The following ZNF420 variants were observed in gnomAD, a reference collection of about 807,000 sequenced individuals.
ZNF420 encodes the protein ATM and p53-associated KZNF protein.
Under a neutral mutation model 44.7 loss-of-function variants are expected in ZNF420, and 31 were observed. The ratio of observed to expected loss-of-function variants is 0.69; its 90% CI spans 0.52 to 0.94. The LOEUF is 0.94. Among genes scored for constraint, ZNF420 ranks in the 40% least tolerant of loss-of-function variants. The pLI is 0.00. For synonymous variants in ZNF420, 245 were observed against 267.4 expected (o/e 0.92, Z 0.82); for missense variants, 681 against 827.9 (o/e 0.82, Z 2.18).
chr19:37,081,502 T>C (rs1461910425), intron 2 of ZNF420, among the ~76,000 whole-genome samples: 6 of 135,528 alleles, frequency 4.4e-5, no homozygotes, highest in Admixed American at 3.1e-4. Context: ...TTCTGCTTCA[T>C]GTATTTTTTT....
intron 1 of ZNF420, among the ~76,000 whole-genome samples, chr19:37,029,554 C>CA (rs1555746375): frequency 2.1e-5 from 3 of 142,918 alleles, no homozygotes; most frequent in Non-Finnish European, 4.6e-5. Context: ...TTTTCTTTTA[C>CA]TTTTTTTTTT....
At chr19:37,024,711 A>C (rs1257396453) in intron 1 of ZNF420, among the ~76,000 whole-genome samples, 5 of 152,058 alleles carry the variant, frequency 3.3e-5, no homozygotes, top group Admixed American at 2.6e-4. Context: ...TGGCCTCCCA[A>C]AGTGCTGGAA....
chr19:37,102,367 C>T (rs886476459), intron 4 of ZNF420, among the ~76,000 whole-genome samples: 6 of 152,162 alleles, frequency 3.9e-5, no homozygotes, highest in East Asian at 3.9e-4. Context: ...TGAGCTGGCA[C>T]CCCCAGCTGA....
chr19:37,016,670 C>T lies in ZNF420; in HGVS notation c.-125+8588C>T, dbSNP rs117966725. Among the ~76,000 whole-genome samples, 946 of 152,316 alleles carry T rather than the reference C, an allele frequency of 6.2e-3. 28 individuals carry two copies. Among genetic ancestry groups the T allele is most frequent in the East Asian group, 0.05 (257 of 5,168 alleles). ...TCCACTTTCAGCTTGCCTTTGTCCT[C>T]GTTCCCGTTGCTACTGGACAGCAGT... is the stretch of plus-strand genomic sequence containing the variant. On this transcript the variant is annotated intron_variant, in intron 1 of 4. Coordinates refer to the ZNF420 transcript ENST00000587029.
chr19:37,114,083 C>T (rs1970524937), intron 4 of ZNF420, among the ~76,000 whole-genome samples: 1 of 152,150 alleles, frequency 6.6e-6, no homozygotes, highest in Non-Finnish European at 1.5e-5. Context: ...GGCGCTCCCT[C>T]TTGGGCCTCT....
intron 1 of ZNF420, among the ~76,000 whole-genome samples, chr19:37,047,518 T>C (rs1967563335): frequency 6.6e-6 from 1 of 152,220 alleles, no homozygotes. Context: ...CTTCATAAAT[T>C]ACACAGTCTA....
At chr19:37,092,918 G>A (rs962254508) in intron 4 of ZNF420, 5 of 152,020 alleles carry the variant, frequency 3.3e-5, no homozygotes, top group African/African-American at 1.2e-4. Flanking sequence ...TTCTTAAAAC[G>A]AAATATTATT....
chr19:37,017,030 G>A (rs1377723283), intron 1 of ZNF420, among the ~76,000 whole-genome samples: 1 of 152,154 alleles, frequency 6.6e-6, no homozygotes, highest in Non-Finnish European at 1.5e-5. Context: ...ATTGTGGGGG[G>A]ATATGAGCAG....
intron 4 of ZNF420, among the ~76,000 whole-genome samples, chr19:37,124,326 G>A (rs901658484): frequency 6.6e-6 from 1 of 152,212 alleles, no homozygotes; most frequent in African/African-American, 2.4e-5. Context: ...TAATGTTCCA[G>A]TACCTGGAAT....
intron 1 of ZNF420, among the ~76,000 whole-genome samples, chr19:37,059,360 C>T (rs993260252): frequency 6.6e-6 from 1 of 152,214 alleles, no homozygotes; most frequent in African/African-American, 2.4e-5. Flanking sequence ...GCGAGTCAAC[C>T]CCGCCAATGC....
chr19:37,025,484 A>G (rs1391299779), intron 1 of ZNF420, among the ~76,000 whole-genome samples: 1 of 152,178 alleles, frequency 6.6e-6, no homozygotes, highest in African/African-American at 2.4e-5. Context: ...ACCAGGTAGC[A>G]ACAGAATTAA....
At chr19:37,059,195 C>T (rs1362014950) in intron 1 of ZNF420, among the ~76,000 whole-genome samples, 3 of 152,196 alleles carry the variant, frequency 2.0e-5, no homozygotes, top group Admixed American at 6.5e-5. Flanking sequence ...GGGGGTTTGG[C>T]CCTGGGACGC....
intron 4 of ZNF420, among the ~76,000 whole-genome samples, chr19:37,093,936 A>C (rs1969297251): frequency 6.6e-6 from 1 of 152,214 alleles, no homozygotes; most frequent in Admixed American, 6.5e-5. Flanking sequence ...TGATTGTTGC[A>C]CATCTCAGTG....
chr19:37,054,480 C>G (rs1967705165), intron 1 of ZNF420, among the ~76,000 whole-genome samples: 1 of 152,134 alleles, frequency 6.6e-6, no homozygotes, highest in Admixed American at 6.5e-5. Flanking sequence ...GGAGCTGTTC[C>G]TATTCAGCCA....
intron 3 of ZNF420, among the ~76,000 whole-genome samples, chr19:37,090,511 AAAC>A (rs988856451): frequency 8.5e-5 from 13 of 152,162 alleles, no homozygotes; most frequent in African/African-American, 2.2e-4. Flanking sequence ...CCTGTCTCCA[AAAC>A]AACAACAACA....
At chr19:37,052,564 C>T (rs147371376) in intron 1 of ZNF420, among the ~76,000 whole-genome samples, 3,677 of 152,244 alleles carry the variant, frequency 0.024, 160 homozygotes, top group African/African-American at 0.083. Flanking sequence ...CTGCTGGTGA[C>T]AAAATCTCTC....
chr19:37,052,203 C>T (rs1432807473), intron 1 of ZNF420, among the ~76,000 whole-genome samples: 3 of 151,790 alleles, frequency 2.0e-5, no homozygotes, highest in Non-Finnish European at 4.4e-5. Context: ...TTTTTGTTTT[C>T]CATTTGCTTG....
intron 4 of ZNF420, among the ~76,000 whole-genome samples, chr19:37,111,943 T>G (rs1224760057): frequency 6.6e-6 from 1 of 152,088 alleles, no homozygotes; most frequent in Non-Finnish European, 1.5e-5. Flanking sequence ...TCAGTTAACA[T>G]TCGCCATCTG....
intron 1 of ZNF420, among the ~76,000 whole-genome samples, chr19:37,059,628 G>C (rs1354292178): frequency 6.6e-6 from 1 of 152,160 alleles, no homozygotes; most frequent in Non-Finnish European, 1.5e-5. Flanking sequence ...GTGTTAGGGT[G>C]AGTCTCCGCA....
Sources: allele counts gnomAD v4.1 joint callset (sites outside exome capture counted in the v4.1 genomes callset), GRCh38; gene constraint gnomAD v4.1.1; transcripts MANE v1.5; gene names NCBI Gene and HGNC (gene_info 2026-07-23, HGNC 2026-07-21).